The following CREBRF variants were observed in gnomAD, a reference collection of about 807,000 sequenced individuals.
CREBRF encodes UPF0474 protein C5orf41.
CREBRF carries 5 observed loss-of-function variants against 66.1 expected under a neutral mutation model. That is an observed-to-expected ratio of 0.08 (90% CI 0.04 to 0.16). The LOEUF (loss-of-function observed/expected upper bound fraction) is 0.16. Ranked by LOEUF, CREBRF falls within the 10% of genes least tolerant of loss-of-function variation. CREBRF has a pLI of 1.00. For missense variants in CREBRF, 531 were observed against 744.9 expected (o/e 0.71, Z 3.34); for synonymous variants, 229 against 264.4 (o/e 0.87, Z 1.30).
At chr5:173,067,360 T>C (rs1273861242) in intron 1 of CREBRF, among the ~76,000 whole-genome samples, 5 of 152,192 alleles carry the variant, frequency 3.3e-5, no homozygotes, top group Admixed American at 6.5e-5. Context: ...TTGCTAGTTC[T>C]GTGGTTTTGA....
intron 2 of CREBRF, 101 bp downstream of exon 2, chr5:173,080,885 C>A: frequency 8.9e-7 from 1 of 1,121,552 alleles, no homozygotes. Context: ...TGCATACTAC[C>A]TTTTTGTGAT....
In CREBRF at chr5:173,138,138, A is replaced by G. The variant is rs1759630887; in HGVS notation, c.*4393A>G. 1 of 152,206 alleles carries G rather than the reference A, an allele frequency of 6.6e-6. No homozygotes were observed. Among genetic ancestry groups the G allele is most frequent in the Non-Finnish European group, 1.5e-5 (1 of 68,022 alleles). The allele number at this position is 152,206 out of a possible 1,614,324, so 9.4% of individuals were successfully genotyped here. A position where few individuals can be genotyped will look rare whatever the true frequency, so the allele number is the denominator to read the frequency against. On this transcript the variant is annotated 3_prime_UTR_variant, in exon 9 of 9. Coordinates refer to ENST00000296953, the MANE Select transcript of CREBRF (RefSeq NM_153607.3). ...CTTGTTCTTCCCTTGGATCATGACA[A>G]ATAAGTCTCACACAGTGCCGTAATA...
At chr5:173,085,185 C>T (rs186233717) in intron 2 of CREBRF, among the ~76,000 whole-genome samples, 7 of 151,894 alleles carry the variant, frequency 4.6e-5, no homozygotes, top group East Asian at 2.0e-4. Flanking sequence ...TCAGGTGATC[C>T]GCCTGCCTTG....
intron 4 of CREBRF, among the ~76,000 whole-genome samples, chr5:173,093,564 T>C (rs1758402850): frequency 6.6e-6 from 1 of 152,226 alleles, no homozygotes; most frequent in African/African-American, 2.4e-5. Context: ...TTGCCTAGGC[T>C]GGAGTGCGGT....
chr5:173,092,221 G>A (rs1437593365), intron 4 of CREBRF: 1 of 967,454 alleles, frequency 1.0e-6, no homozygotes, highest in Non-Finnish European at 1.2e-6. Context: ...ACCCAACAAA[G>A]TCTATTTATG....
chr5:173,067,737 C>A (rs760251037), intron 1 of CREBRF, among the ~76,000 whole-genome samples: 4 of 152,190 alleles, frequency 2.6e-5, no homozygotes, highest in Non-Finnish European at 4.4e-5. Flanking sequence ...GTGGCTCACA[C>A]CTGTAATCCC....
At chr5:173,126,442 G>GT (rs1003675509) in intron 8 of CREBRF, among the ~76,000 whole-genome samples, 35 of 152,144 alleles carry the variant, frequency 2.3e-4, no homozygotes, top group African/African-American at 2.6e-4. Context: ...CACCTGGCCA[G>GT]TTTTTTTTGT....
intron 4 of CREBRF, chr5:173,092,077 G>T: frequency 1.5e-6 from 1 of 671,130 alleles, no homozygotes. Context: ...GTGAAAGTCT[G>T]TCTCAATAAC....
At chr5:173,064,613 G>A (rs1390487590) in intron 1 of CREBRF, among the ~76,000 whole-genome samples, 4 of 149,608 alleles carry the variant, frequency 2.7e-5, no homozygotes, top group Non-Finnish European at 5.9e-5. Flanking sequence ...TCGCCCAGGC[G>A]GAGTGCAATG....
At chr5:173,082,014 T>TTTTTTGTTTTTTTTTTTG (rs1757965725) in intron 2 of CREBRF, among the ~76,000 whole-genome samples, 1 of 113,784 alleles carries the variant, frequency 8.8e-6, no homozygotes, top group Non-Finnish European at 1.9e-5. Context: ...TTTTTTTTTT[T>TTTTTTGTTTTTTTTTTTG]TTTTTTTTTT....
chr5:173,132,068 C>T (rs1190358808), intron 8 of CREBRF, among the ~76,000 whole-genome samples: 1 of 149,238 alleles, frequency 6.7e-6, no homozygotes, highest in Admixed American at 6.8e-5. Flanking sequence ...TTCCTATGAG[C>T]AATGACAAAT....
intron 7 of CREBRF, among the ~76,000 whole-genome samples, chr5:173,117,033 G>A (rs1174296330): frequency 6.6e-6 from 1 of 152,070 alleles, no homozygotes; most frequent in Non-Finnish European, 1.5e-5. Context: ...CTTTTGTGAA[G>A]TGTCTGTTCA....
intron 2 of CREBRF, 91 bp downstream of exon 2, chr5:173,080,875 T>C (rs1757920345): frequency 4.9e-6 from 6 of 1,227,506 alleles, no homozygotes; most frequent in Non-Finnish European, 7.1e-6. Context: ...AACACAACTT[T>C]GCATACTACC....
chr5:173,091,902 C>G (rs1411625113), intron 4 of CREBRF: 3 of 418,056 alleles, frequency 7.2e-6, no homozygotes, highest in Non-Finnish European at 9.6e-6. Flanking sequence ...CCGGCCAACA[C>G]AGCGAAACCC....
chr5:173,082,466 CAATG>C (rs368883055), intron 2 of CREBRF, among the ~76,000 whole-genome samples: 38 of 150,624 alleles, frequency 2.5e-4, no homozygotes, highest in African/African-American at 9.0e-4. Flanking sequence ...TGGGATGTAC[CAATG>C]AAGAAAAATA....
chr5:173,089,661 TAAAAAAAAAA>T (rs60450166), intron 3 of CREBRF, among the ~76,000 whole-genome samples: 12 of 136,248 alleles, frequency 8.8e-5, no homozygotes, highest in Admixed American at 2.2e-4. Flanking sequence ...GTCTCTACTT[TAAAAAAAAAA>T]AAAAAGAAAA....
intron 4 of CREBRF, among the ~76,000 whole-genome samples, chr5:173,098,643 TG>T (rs1422891548): frequency 6.6e-6 from 1 of 152,152 alleles, no homozygotes; most frequent in Non-Finnish European, 1.5e-5. Context: ...TCAAATCCAT[TG>T]TTTTTTTAAT....
At chr5:173,122,184 C>T (rs993231972) in intron 7 of CREBRF, among the ~76,000 whole-genome samples, 13 of 152,208 alleles carry the variant, frequency 8.5e-5, no homozygotes, top group African/African-American at 2.9e-4. Flanking sequence ...TCACTGCAAC[C>T]TCCACCTCCT....
intron 1 of CREBRF, among the ~76,000 whole-genome samples, chr5:173,058,786 C>CTTT (rs70984932): frequency 7.8e-5 from 5 of 64,056 alleles, no homozygotes; most frequent in Non-Finnish European, 1.2e-4. Context: ...CGCCCAGCCT[C>CTTT]TTTTTTTTTT....
Sources: gnomAD v4.1 joint callset for allele counts (sites outside exome capture counted in the v4.1 genomes callset) on GRCh38, gnomAD v4.1.1 for gene constraint, MANE v1.5 for transcripts, NCBI Gene and HGNC (gene_info 2026-07-23, HGNC 2026-07-21) for gene names.